Variants in KASH5 observed in about 807,000 individuals in gnomAD.
KASH5 encodes the protein protein KASH5.
In KASH5, 72 loss-of-function variants were observed where a neutral mutation model predicts 84.2. The ratio of observed to expected loss-of-function variants is 0.85; its 90% confidence interval spans 0.71 to 1.04. The LOEUF (loss-of-function observed/expected upper bound fraction) is 1.04, where lower values mean the gene tolerates loss of function less well. Ranked by LOEUF, KASH5 falls within the 50% of genes least tolerant of loss-of-function variation. KASH5 has a pLI of 0.00. For synonymous variants in KASH5, 260 were observed against 279.1 expected (o/e 0.93, Z 0.68); for missense variants, 650 against 701.0 (o/e 0.93, Z 0.82).
chr19:49,397,929 G>A (rs1053173261), intron 6 of KASH5, 53 bp from the exon 7 acceptor site: 20 of 1,583,420 alleles, frequency 1.3e-5, no homozygotes, highest in Non-Finnish European at 1.7e-5. Flanking sequence ...CTCGACCCGG[G>A]GAAATGAGTC....
intron 2 of KASH5, among the ~76,000 whole-genome samples, chr19:49,391,938 G>A (rs889836338): frequency 6.6e-5 from 10 of 152,138 alleles, no homozygotes; most frequent in East Asian, 5.8e-4. Context: ...CACAGCCTGC[G>A]TCTTTTTCTA....
At chr19:49,391,450 G>A (rs1974001734) in intron 2 of KASH5, among the ~76,000 whole-genome samples, 1 of 152,112 alleles carries the variant, frequency 6.6e-6, no homozygotes, top group Non-Finnish European at 1.5e-5. Flanking sequence ...AAGAAAAAAG[G>A]AACAGGTGAA....
intron 14 of KASH5, 145 bp downstream of exon 14, chr19:49,409,428 T>C: frequency 2.2e-6 from 2 of 917,794 alleles, no homozygotes; most frequent in East Asian, 2.7e-5. Flanking sequence ...TCTCTAACTC[T>C]CTCTACCTCG....
Position 49,414,863 on chromosome 19 carries a change from T to A in KASH5, c.1329-88T>A. On this transcript the variant is annotated intron_variant, in intron 16 of 19. Coordinates refer to ENST00000447857, the MANE Select transcript of KASH5 (RefSeq NM_144688.5). This position sits in a 1 kb window ranked among gnomAD's most constrained non-coding sequence, Gnocchi z 4.5. ...CTGCCTGGCCTGTGCTAAGACCCCC[T>A]GCTCCAAGGCTTCTCTCCCAGCCCA... The A allele has an allele frequency of 6.6e-7, 1 of 1,514,680 alleles. No individual in the cohort carries two copies. Among genetic ancestry groups the A allele is most frequent in the Non-Finnish European group, 9.0e-7 (1 of 1,111,260 alleles). 93.8% of individuals were successfully genotyped at this position (1,514,680 alleles called of 1,614,324 possible).
intron 9 of KASH5, among the ~76,000 whole-genome samples, chr19:49,402,568 G>A (rs549830865): frequency 1.7e-4 from 26 of 152,014 alleles, no homozygotes; most frequent in Middle Eastern, 3.4e-3. Flanking sequence ...TTAGCCAGGC[G>A]TGGTGGCAGG....
chr19:49,407,144 C>T (rs959552349), intron 10 of KASH5, 96 bp from the exon 11 acceptor site: 26 of 1,439,250 alleles, frequency 1.8e-5, no homozygotes, highest in Middle Eastern at 3.8e-4. Flanking sequence ...AGGCTGAATA[C>T]GTGGGGGTGC....
rs1974284700 is a variant in KASH5, at chr19:49,399,213, T to C, written c.747+71T>C. 1 of 1,343,676 alleles carries C rather than the reference T, an allele frequency of 7.4e-7. No individual in the cohort carries two copies. Among genetic ancestry groups the C allele is most frequent in the Non-Finnish European group, 1.0e-6 (1 of 979,978 alleles). The allele number at this position is 1,343,676 out of a possible 1,614,324, so 83.2% of individuals were successfully genotyped here. On this transcript the variant is annotated intron_variant, in intron 8 of 19. Coordinates refer to ENST00000447857, the MANE Select transcript of KASH5 (RefSeq NM_144688.5). This position sits in a 1 kb window ranked among gnomAD's most constrained non-coding sequence, Gnocchi z 4.4. ...TTCCTGGAGTCAGGGCGGCAGAGTGTGACTATGGAGTAGGAAGGGGCAGAG... is the reference window on the plus strand; with the variant it reads ...TTCCTGGAGTCAGGGCGGCAGAGTGCGACTATGGAGTAGGAAGGGGCAGAG...
At position 49,414,046 on chromosome 19, in the gene KASH5, G is replaced by C. The variant is rs143417720; in HGVS notation, c.1329-905G>C. ...GTATGGATGGCTGGGTCTCTAAGGG[G>C]CATTCAGGCTGGGCAGCTTGAGGCC... is the stretch of plus-strand genomic sequence containing the variant. On this transcript the variant is annotated intron_variant, in intron 16 of 19. Transcript: ENST00000447857. The surrounding 1 kb of genome is among the most constrained non-coding windows in gnomAD (Gnocchi z 4.5). 2.8e-4 allele frequency among the ~76,000 whole-genome samples: 43 copies of C among 152,196 alleles called. No homozygotes were observed. The East Asian group carries it at 7.3e-3, about 26-fold the overall frequency.
chr19:49,398,162 C>G lies in KASH5; in HGVS notation c.629+19C>G, dbSNP rs1026650549. Reference sequence around the variant, plus strand: ...TTCACAGGTGGGCTGGATGCCACACCCACCCTCCCCAGCGCCCCTGCCTCC... The same window carrying G: ...TTCACAGGTGGGCTGGATGCCACACGCACCCTCCCCAGCGCCCCTGCCTCC... On this transcript the variant is annotated intron_variant, in intron 7 of 19. Coordinates refer to ENST00000447857, the MANE Select transcript of KASH5 (RefSeq NM_144688.5). 5 of 1,548,882 alleles carry G rather than the reference C, an allele frequency of 3.2e-6. No homozygotes were observed. In the African/African-American group the frequency reaches 6.8e-5, roughly 21 times the overall value.
At chr19:49,415,019 C>T (rs748438659) in intron 17 of KASH5, 23 bp downstream of exon 17, 4 of 1,602,564 alleles carry the variant, frequency 2.5e-6, no homozygotes, top group East Asian at 2.2e-5. Flanking sequence ...CAGCACCCCT[C>T]CCCAGTCCCC....
chr19:49,401,746 T>C (rs1600919507), intron 9 of KASH5, among the ~76,000 whole-genome samples: 2 of 152,322 alleles, frequency 1.3e-5, no homozygotes, highest in Non-Finnish European at 2.9e-5. Context: ...TCCAGACAGA[T>C]CATGTATTCC....
Position 49,411,246 on chromosome 19 carries a change from AT to A in KASH5, c.1269+1383del, listed in dbSNP as rs55762534. Among the ~76,000 whole-genome samples, 477 of 143,230 alleles carry A rather than the reference AT, an allele frequency of 3.3e-3. 1 individual carries two copies. Among genetic ancestry groups the A allele is most frequent in the African/African-American group, 4.7e-3 (183 of 39,194 alleles). 94.0% of individuals were successfully genotyped at this position (143,230 alleles called of 152,430 possible). On this transcript the variant is annotated intron_variant, in intron 15 of 19. Coordinates refer to ENST00000447857, the MANE Select transcript of KASH5 (RefSeq NM_144688.5). Reference sequence around the variant, plus strand: ...AGCCACTGCTCTGGGCTCTCTCTCTATTTTTTTTTTTTCTTTTAAAGAAAAT... The same window carrying A: ...AGCCACTGCTCTGGGCTCTCTCTCTATTTTTTTTTTTCTTTTAAAGAAAAT...
chr19:49,398,731 T>C lies in KASH5; in HGVS notation c.630-294T>C, dbSNP rs527869672. 1.2e-3 allele frequency among the ~76,000 whole-genome samples: 190 copies of C among 152,298 alleles called. 1 individual carries two copies. The Middle Eastern group carries it at 0.024, about 19-fold the overall frequency. ...CATGTCACTCGCCCTTTCATCTCTCTGTGCTTTGTCATTCTTCATGTTTAT... is the reference window on the plus strand; with the variant it reads ...CATGTCACTCGCCCTTTCATCTCTCCGTGCTTTGTCATTCTTCATGTTTAT... On this transcript the variant is annotated intron_variant, in intron 7 of 19. Transcript: ENST00000447857.
intron 2 of KASH5, chr19:49,393,658 A>G (rs998172798): frequency 2.0e-5 from 3 of 149,316 alleles, no homozygotes; most frequent in African/African-American, 7.4e-5. Context: ...TGTGGCTACA[A>G]CAGTAGACAA....
At chr19:49,388,522 C>G (rs1973882605) in intron 1 of KASH5, 195 bp downstream of exon 1, 1 of 152,092 alleles carries the variant, frequency 6.6e-6, no homozygotes, top group Non-Finnish European at 1.5e-5. Flanking sequence ...GAAACCCCGT[C>G]TCTACTAAAA....
chr19:49,411,048 T>C (rs1311560901), intron 15 of KASH5, among the ~76,000 whole-genome samples: 1 of 151,562 alleles, frequency 6.6e-6, no homozygotes, highest in Non-Finnish European at 1.5e-5. Context: ...CAGGTGATCC[T>C]CCCATCTCAG....
At chr19:49,407,698 C>G in intron 12 of KASH5, 27 bp downstream of exon 12, 1 of 1,578,074 alleles carries the variant, frequency 6.3e-7, no homozygotes, top group Non-Finnish European at 8.6e-7. Context: ...CGCCACCCAC[C>G]GCGGCCCTCG....
At position 49,399,529 on chromosome 19, in the gene KASH5, C is replaced by T. The variant is rs1390649639; in HGVS notation, c.798+22C>T. The T allele has an allele frequency of 1.9e-6, 3 of 1,596,288 alleles. No individual in the cohort carries two copies. The highest frequency in any genetic ancestry group is 1.6e-4 in the Middle Eastern group (1 of 6,066). ...GGAGGTGAGCGGAGGCCCAGCACCA[C>T]CCCCACCCCTTCCCCAGTCCTTAAG... is the stretch of plus-strand genomic sequence containing the variant. On this transcript the variant is annotated intron_variant, in intron 9 of 19. Transcript: ENST00000447857. The surrounding 1 kb of genome is among the most constrained non-coding windows in gnomAD (Gnocchi z 4.4).
rs1048643079 is a variant in KASH5, at chr19:49,409,779, C to G, written c.1173C>G (p.Leu391=). The change falls in exon 15 of 20, where the codon CTC becomes CTG. Residue 391 remains leucine, a synonymous_variant. Coordinates refer to ENST00000447857, the MANE Select transcript of KASH5 (RefSeq NM_144688.5). ...RQKQEVATAD[L]SNPLCGVWQW... Reference sequence around the variant, plus strand: ...AACAGGAAGTGGCAACTGCTGATCTCTCCAACCCTCTGTGTGGGGTGTGGC... The same window carrying G: ...AACAGGAAGTGGCAACTGCTGATCTGTCCAACCCTCTGTGTGGGGTGTGGC... 6.2e-7 allele frequency: 1 copy of G among 1,613,982 alleles called. No individual in the cohort carries two copies. The highest frequency in any genetic ancestry group is 1.3e-5 in the African/African-American group (1 of 75,054).
Sources: allele counts gnomAD v4.1 joint callset (sites outside exome capture counted in the v4.1 genomes callset), GRCh38; gene constraint gnomAD v4.1.1; non-coding constraint Gnocchi (gnomAD v3.1); transcripts MANE v1.5; gene names NCBI Gene and HGNC (gene_info 2026-07-23, HGNC 2026-07-21).